ZNF407: variants seen among roughly 807,000 people sequenced by gnomAD.
The protein encoded by ZNF407 is zinc finger protein 407.
ZNF407 carries 17 observed loss-of-function variants against 131.2 expected under a neutral mutation model. The ratio of observed to expected loss-of-function variants is 0.13; its 90% confidence interval spans 0.09 to 0.19. The LOEUF (loss-of-function observed/expected upper bound fraction) is 0.19, where lower values mean the gene tolerates loss of function less well. Among genes scored for constraint, ZNF407 ranks in the 10% least tolerant of loss-of-function variants. ZNF407 has a pLI of 1.00. For missense variants in ZNF407, 2,681 were observed against 2,830.6 expected, an observed-to-expected ratio of 0.95 and a Z score of 1.20; for synonymous variants, 1,156 against 1,062.0, an observed-to-expected ratio of 1.09 and a Z score of -1.72.
intron 4 of ZNF407, among the ~76,000 whole-genome samples, chr18:74,796,510 A>G (rs1599160321): frequency 6.6e-6 from 1 of 152,206 alleles, no homozygotes; most frequent in Non-Finnish European, 1.5e-5. Flanking sequence ...TGTTCAGTAT[A>G]GTAATGTCGA....
chr18:74,887,538 A>G (rs935919449), intron 6 of ZNF407, among the ~76,000 whole-genome samples: 3 of 152,106 alleles, frequency 2.0e-5, no homozygotes, highest in Non-Finnish European at 2.9e-5. Context: ...TTCAGTAACT[A>G]TGCAAAACCA....
chr18:74,666,976 A>G (rs930037117), intron 3 of ZNF407, among the ~76,000 whole-genome samples: 1 of 152,160 alleles, frequency 6.6e-6, no homozygotes, highest in Non-Finnish European at 1.5e-5. Flanking sequence ...CCCCGCCTTC[A>G]TCTTTTCCCC....
chr18:74,790,715 G>A (rs1969810244), intron 4 of ZNF407, among the ~76,000 whole-genome samples: 1 of 151,962 alleles, frequency 6.6e-6, no homozygotes, highest in Non-Finnish European at 1.5e-5. Context: ...TTACCAACTT[G>A]GATACAGTTT....
rs1275891864 is a variant in ZNF407 at position 75,063,643 on chromosome 18, C to G, written c.5922C>G (p.Asn1974Lys). The G allele has an allele frequency of 6.3e-7, 1 of 1,598,446 alleles. No individual in the cohort carries two copies. Among genetic ancestry groups the G allele is most frequent in the African/African-American group, 1.3e-5 (1 of 74,696 alleles). Residue 1974 changes from asparagine (N) to lysine (K), a missense_variant, in exon 9 of 9, where the codon AAC (asparagine) becomes AAG (lysine). This residue lies in a region of ZNF407 where 620 missense variants were observed against 583.1 expected (regional missense o/e 1.06). Coordinates refer to ENST00000299687, the MANE Select transcript of ZNF407 (RefSeq NM_017757.3). The surrounding 1 kb of genome is among the most constrained non-coding windows in gnomAD (Gnocchi z 6.6). ...IQQVTKQEIL[N>K]LSEAGVAPPE... ...AGGTGACCAAGCAGGAGATTTTAAA[C>G]CTCTCGGAGGCTGGAGTCGCTCCCC...
intron 8 of ZNF407, among the ~76,000 whole-genome samples, chr18:75,010,057 A>T (rs527475429): frequency 6.6e-6 from 1 of 152,294 alleles, no homozygotes; most frequent in East Asian, 1.9e-4. Context: ...AAAAGAAAAC[A>T]TTATGCACAT....
intron 3 of ZNF407, among the ~76,000 whole-genome samples, chr18:74,736,973 T>C (rs1968430420): frequency 6.6e-6 from 1 of 152,152 alleles, no homozygotes; most frequent in African/African-American, 2.4e-5. Context: ...GAACACAGGG[T>C]TAACACTTCC....
At chr18:74,851,724 T>C (rs1265700927) in intron 4 of ZNF407, among the ~76,000 whole-genome samples, 1 of 152,180 alleles carries the variant, frequency 6.6e-6, no homozygotes, top group Non-Finnish European at 1.5e-5. Context: ...TGAGTTCTCA[T>C]CATAAACATT....
At chr18:74,705,672 A>T (rs1484538660) in intron 3 of ZNF407, among the ~76,000 whole-genome samples, 1 of 152,188 alleles carries the variant, frequency 6.6e-6, no homozygotes, top group East Asian at 1.9e-4. Flanking sequence ...TTTGTCCTTT[A>T]TTAACGATTA....
intron 1 of ZNF407, among the ~76,000 whole-genome samples, chr18:74,603,644 T>C (rs1268266999): frequency 6.6e-6 from 1 of 152,252 alleles, no homozygotes; most frequent in Non-Finnish European, 1.5e-5. Flanking sequence ...CATTGACGCC[T>C]GTGAAACAAT....
At chr18:74,956,929 A>C (rs1214948232) in intron 8 of ZNF407, among the ~76,000 whole-genome samples, 1 of 152,158 alleles carries the variant, frequency 6.6e-6, no homozygotes, top group Non-Finnish European at 1.5e-5. Flanking sequence ...TTTTTCCTTT[A>C]AATTGAGAAA....
At chr18:74,649,751 T>A (rs972897707) in intron 3 of ZNF407, among the ~76,000 whole-genome samples, 23 of 152,200 alleles carry the variant, frequency 1.5e-4, no homozygotes, top group African/African-American at 5.5e-4. Flanking sequence ...TTAGCTTTAA[T>A]GTAGCTCTTA....
intron 4 of ZNF407, among the ~76,000 whole-genome samples, chr18:74,796,661 A>G (rs1408919435): frequency 6.6e-6 from 1 of 152,162 alleles, no homozygotes; most frequent in African/African-American, 2.4e-5. Context: ...TGTTAAAAAA[A>G]TTGATTGACT....
intron 7 of ZNF407, among the ~76,000 whole-genome samples, chr18:74,916,645 T>C (rs1971772174): frequency 7.5e-6 from 1 of 133,874 alleles, no homozygotes; most frequent in African/African-American, 3.1e-5. Context: ...TGTGTGTGTG[T>C]GTGTGTGCAT....
chr18:74,789,786 A>G (rs1599155319), intron 4 of ZNF407, among the ~76,000 whole-genome samples: 1 of 151,466 alleles, frequency 6.6e-6, no homozygotes, highest in Non-Finnish European at 1.5e-5. Flanking sequence ...CATATTGCAG[A>G]CCAGCCTGCA....
intron 8 of ZNF407, among the ~76,000 whole-genome samples, chr18:75,059,360 A>G (rs1346613586): frequency 6.6e-6 from 1 of 152,102 alleles, no homozygotes; most frequent in African/African-American, 2.4e-5. Context: ...TTCCTTCCCA[A>G]CTACAGTAGT....
intron 4 of ZNF407, among the ~76,000 whole-genome samples, chr18:74,812,634 GGTT>G (rs1282291978): frequency 1.3e-5 from 2 of 151,930 alleles, no homozygotes; most frequent in African/African-American, 2.4e-5. Context: ...TGAATGTAGG[GGTT>G]GTTGTTTTTC....
chr18:74,617,340 G>A (rs1464727391), intron 1 of ZNF407, among the ~76,000 whole-genome samples: 2 of 152,128 alleles, frequency 1.3e-5, no homozygotes, highest in African/African-American at 4.8e-5. Context: ...ATTTACGTTG[G>A]TGCTTTTTAT....
intron 3 of ZNF407, among the ~76,000 whole-genome samples, chr18:74,764,768 C>T (rs1199406236): frequency 6.6e-6 from 1 of 152,144 alleles, no homozygotes; most frequent in Admixed American, 6.5e-5. Context: ...TACTAGTAGC[C>T]TACTGTTGAC....
chr18:74,809,618 A>G (rs185437882), intron 4 of ZNF407, among the ~76,000 whole-genome samples: 1 of 152,346 alleles, frequency 6.6e-6, no homozygotes, highest in Non-Finnish European at 1.5e-5. Context: ...GGTTAAGAAG[A>G]ACTGGCGTAT....
Sources: allele counts gnomAD v4.1 joint callset (sites outside exome capture counted in the v4.1 genomes callset), GRCh38; gene constraint gnomAD v4.1.1; regional missense constraint gnomAD v4.1.1; non-coding constraint Gnocchi (gnomAD v3.1); transcripts MANE v1.5; gene names NCBI Gene and HGNC (gene_info 2026-07-23, HGNC 2026-07-21).